The following SNX29 variants were observed in gnomAD, a reference collection of about 807,000 sequenced individuals.
The protein encoded by SNX29 is sorting nexin 29, also known as sorting nexin-29.
A neutral mutation model predicts 102.1 loss-of-function variants in SNX29; 78 were observed. That is an observed-to-expected ratio of 0.76 (90% confidence interval 0.64 to 0.92). SNX29 has a LOEUF of 0.92. Among genes scored for constraint, SNX29 ranks in the 40% least tolerant of loss-of-function variants. SNX29 has a pLI of 0.00. For missense variants in SNX29, 1,280 were observed against 1,061.7 expected (o/e 1.21, Z -2.86); for synonymous variants, 580 against 414.5 (o/e 1.40, Z -4.85).
chr16:12,543,606 G>A (rs1416700710), intron 20 of SNX29, among the ~76,000 whole-genome samples: 3 of 152,066 alleles, frequency 2.0e-5, no homozygotes, highest in Non-Finnish European at 2.9e-5. Context: ...CCTCCCCGAT[G>A]GAGTGGGCAG....
chr16:12,263,088 ATT>A (rs1466304205), intron 14 of SNX29, among the ~76,000 whole-genome samples: 3 of 150,602 alleles, frequency 2.0e-5, no homozygotes, highest in Admixed American at 6.6e-5. Context: ...ATTAACTGAC[ATT>A]GTTATTATTG....
intron 16 of SNX29, among the ~76,000 whole-genome samples, chr16:12,394,891 T>G (rs2083663880): frequency 6.6e-6 from 1 of 151,904 alleles, no homozygotes; most frequent in African/African-American, 2.4e-5. Context: ...CTTTGTGGAG[T>G]GGGCAGCCTT....
chr16:12,315,831 G>C (rs889689369), intron 15 of SNX29, among the ~76,000 whole-genome samples: 2 of 152,358 alleles, frequency 1.3e-5, no homozygotes, highest in South Asian at 4.1e-4. Flanking sequence ...ATGGTAGAGA[G>C]TTTGTCACCC....
At chr16:12,340,647 G>C (rs1304116489) in intron 15 of SNX29, among the ~76,000 whole-genome samples, 3 of 152,228 alleles carry the variant, frequency 2.0e-5, no homozygotes, top group Non-Finnish European at 4.4e-5. Flanking sequence ...TGGCCAGGTA[G>C]ACAAGAGGCT....
intron 18 of SNX29, among the ~76,000 whole-genome samples, chr16:12,424,419 G>T (rs1363199087): frequency 1.3e-5 from 2 of 152,208 alleles, no homozygotes; most frequent in Non-Finnish European, 2.9e-5. Context: ...TTTATCTCTT[G>T]AATGTGCTAA....
chr16:12,392,759 C>CA (rs1373751804), intron 16 of SNX29, among the ~76,000 whole-genome samples: 1 of 152,108 alleles, frequency 6.6e-6, no homozygotes, highest in Non-Finnish European at 1.5e-5. Flanking sequence ...CCACAGAGAA[C>CA]AAAAACAACA....
At position 12,370,683 on chromosome 16, in the gene SNX29, C is replaced by T. The variant is rs78086037; in HGVS notation, c.1899+14404C>T. On this transcript the variant is annotated intron_variant, in intron 16 of 20. Transcript: ENST00000566228. ...TTCCGGCGTGTTCTGGGAGGCTTCC[C>T]CATCTCCCTGAAATGAGTTTATATA... is the stretch of plus-strand genomic sequence containing the variant. Among the ~76,000 whole-genome samples the T allele has an allele frequency of 7.5e-3, 1,146 of 152,296 alleles. 18 individuals are homozygous for T. The highest frequency in any genetic ancestry group is 0.025 in the African/African-American group (1,043 of 41,548).
intron 20 of SNX29, among the ~76,000 whole-genome samples, chr16:12,536,190 A>C (rs1327164713): frequency 6.6e-6 from 1 of 152,144 alleles, no homozygotes; most frequent in Non-Finnish European, 1.5e-5. Flanking sequence ...CTCAGAAGAT[A>C]AAGGAGGTTA....
At chr16:12,502,169 G>T (rs1177304345) in intron 19 of SNX29, among the ~76,000 whole-genome samples, 1 of 152,172 alleles carries the variant, frequency 6.6e-6, no homozygotes, top group Non-Finnish European at 1.5e-5. Flanking sequence ...CTCAAACTAG[G>T]GTCTGATGAG....
At chr16:12,224,172 T>C (rs925727118) in intron 14 of SNX29, among the ~76,000 whole-genome samples, 3 of 152,172 alleles carry the variant, frequency 2.0e-5, no homozygotes, top group African/African-American at 4.8e-5. Context: ...TAGTAGGTTA[T>C]TGGGGCACCT....
At chr16:12,410,132 G>C (rs1358399688) in intron 18 of SNX29, among the ~76,000 whole-genome samples, 4 of 151,652 alleles carry the variant, frequency 2.6e-5, no homozygotes, top group Admixed American at 1.3e-4. Flanking sequence ...GTAGCTGGGA[G>C]TACAGGCACC....
chr16:12,057,659 C>T lies in SNX29; in HGVS notation c.1125-3869C>T, dbSNP rs1362985794. The stretch of plus-strand genomic sequence containing the variant: ...TGGAGTTGACCTAAATGTGCAGCCA[C>T]AGGGGGACGGTTAACAGCAGAAGAT... On this transcript the variant is annotated intron_variant, in intron 8 of 20. Transcript: ENST00000566228. 2.6e-5 allele frequency among the ~76,000 whole-genome samples: 4 copies of T among 152,056 alleles called. No individual in the cohort carries two copies. The East Asian group carries it at 7.7e-4, about 29-fold the overall frequency.
rs2079235057 is a variant in SNX29 at position 12,573,745 on chromosome 16, C to T, written c.*5116C>T. The T allele has an allele frequency of 1.3e-5, 3 of 223,258 alleles. No individual in the cohort carries two copies. The highest frequency in any genetic ancestry group is 2.7e-5 in the Non-Finnish European group (3 of 111,752). The allele number at this position is 223,258 out of a possible 1,614,324, so 13.8% of individuals were successfully genotyped here. A position where few individuals can be genotyped will look rare whatever the true frequency, so the allele number is the denominator to read the frequency against. Reference sequence around the variant, plus strand: ...GAATGGTGGATCGTACATTTGCACCCAGAGCTACTAAACGCTCAGTGACCC... The same window carrying T: ...GAATGGTGGATCGTACATTTGCACCTAGAGCTACTAAACGCTCAGTGACCC... On this transcript the variant is annotated 3_prime_UTR_variant, in exon 21 of 21. Transcript: ENST00000566228.
At chr16:12,557,296 G>C (rs1415409858) in intron 20 of SNX29, 1 of 152,204 alleles carries the variant, frequency 6.6e-6, no homozygotes, top group Non-Finnish European at 1.5e-5. Flanking sequence ...CTGGGACCCT[G>C]TACAATTTAG....
chr16:12,055,965 C>G (rs974877397), intron 8 of SNX29, among the ~76,000 whole-genome samples: 2 of 152,116 alleles, frequency 1.3e-5, no homozygotes, highest in Non-Finnish European at 2.9e-5. Flanking sequence ...TCACTGCAAC[C>G]TCTGCTCCCA....
chr16:12,242,526 A>T (rs1337725007), intron 14 of SNX29, among the ~76,000 whole-genome samples: 1 of 150,980 alleles, frequency 6.6e-6, no homozygotes, highest in African/African-American at 2.5e-5. Context: ...AGAGAAGAGC[A>T]TCCCTCCCAG....
At chr16:12,009,173 G>A (rs2056560649) in intron 3 of SNX29, among the ~76,000 whole-genome samples, 1 of 152,102 alleles carries the variant, frequency 6.6e-6, no homozygotes, top group Non-Finnish European at 1.5e-5. Flanking sequence ...AACAAAGTGA[G>A]TCAAATTCAA....
At chr16:12,086,729 A>C (rs2052214101) in intron 11 of SNX29, 1 of 152,074 alleles carries the variant, frequency 6.6e-6, no homozygotes, top group African/African-American at 2.4e-5. Flanking sequence ...CCAAATTTTA[A>C]AATGAAGAAA....
intron 14 of SNX29, among the ~76,000 whole-genome samples, chr16:12,254,952 G>A (rs896845864): frequency 2.0e-5 from 3 of 152,206 alleles, no homozygotes; most frequent in African/African-American, 7.2e-5. Flanking sequence ...CTGCAGACAG[G>A]AGTAAGGAAA....
Sources: allele counts gnomAD v4.1 joint callset (sites outside exome capture counted in the v4.1 genomes callset), GRCh38; gene constraint gnomAD v4.1.1; transcripts MANE v1.5; gene names NCBI Gene and HGNC (gene_info 2026-07-23, HGNC 2026-07-21).